The following TTC7A variants were observed in gnomAD, a reference collection of about 807,000 sequenced individuals.
TTC7A encodes tetratricopeptide repeat domain 7A.
A neutral mutation model predicts 103.7 loss-of-function variants in TTC7A; 110 were observed. That is an observed-to-expected ratio of 1.06 (90% CI 0.91 to 1.24). The LOEUF is 1.24. Among genes scored for constraint, TTC7A ranks in the 50% most tolerant of loss-of-function variants. TTC7A has a pLI of 0.00. For synonymous variants in TTC7A, 521 were observed against 467.9 expected (o/e 1.11, Z -1.47); for missense variants, 1,340 against 1,116.3 (o/e 1.20, Z -2.86).
chr2:46,933,752 G>C (rs918991173), intron 2 of TTC7A, among the ~76,000 whole-genome samples: 2 of 152,242 alleles, frequency 1.3e-5, no homozygotes, highest in African/African-American at 4.8e-5. Flanking sequence ...GATCTGAGTG[G>C]CTGAAATGAC....
chr2:47,032,107 G>A (rs1430720165), intron 15 of TTC7A, among the ~76,000 whole-genome samples: 1 of 152,234 alleles, frequency 6.6e-6, no homozygotes, highest in East Asian at 1.9e-4. Flanking sequence ...TCCCCAGGAA[G>A]TGCTCCACTC....
chr2:47,025,220 T>C (rs1679759037), intron 14 of TTC7A, among the ~76,000 whole-genome samples: 1 of 152,208 alleles, frequency 6.6e-6, no homozygotes, highest in South Asian at 2.1e-4. Context: ...CCCTGCCTGC[T>C]GGGGATGGTG....
intron 19 of TTC7A, among the ~76,000 whole-genome samples, chr2:47,072,897 C>T (rs527837282): frequency 4.6e-5 from 7 of 152,332 alleles, no homozygotes; most frequent in African/African-American, 1.7e-4. Flanking sequence ...GGACAAGGTG[C>T]CAGTTTCACT....
chr2:47,051,774 C>T lies in TTC7A; in HGVS notation c.2046C>T (p.Ala682=), dbSNP rs1682878018. 1.9e-6 allele frequency: 3 copies of T among 1,611,194 alleles called. No individual in the cohort carries two copies. The highest frequency in any genetic ancestry group is 1.7e-5 in the Admixed American group (1 of 60,016). The stretch of plus-strand genomic sequence containing the variant: ...CCCGGCGGGCTTCGTCCATCGCCGC[C>T]TCCCGGCTGGAGGAGGCCATGTCAG... ...SGSRRASSIA[A]SRLEEAMSEL... The change falls in exon 18 of 20, where the codon GCC becomes GCT. Residue 682 remains alanine (A), a synonymous_variant. Coordinates refer to ENST00000319190, the MANE Select transcript of TTC7A (RefSeq NM_020458.4).
rs762504554 is a variant in TTC7A at position 46,995,150 on chromosome 2, A to AG, written c.1018dup (p.Asp340GlyfsTer45). 1 of 1,614,052 alleles carries AG rather than the reference A, an allele frequency of 6.2e-7. No homozygotes were observed. The highest frequency in any genetic ancestry group is 8.5e-7 in the Non-Finnish European group (1 of 1,180,032). On this transcript the variant is annotated frameshift_variant, in exon 8 of 20. Coordinates refer to ENST00000319190, the MANE Select transcript of TTC7A (RefSeq NM_020458.4). LOFTEE classifies it high-confidence loss of function. ...GTGTCTTTCAGCCTCTACTGCCCCAAGGACAACATCGAGGAAGCCCTCCTG... is the reference window on the plus strand; with the variant it reads ...GTGTCTTTCAGCCTCTACTGCCCCAAGGGACAACATCGAGGAAGCCCTCCTG...
In TTC7A at chr2:46,957,010, A is replaced by G. The variant is rs201376278; in HGVS notation, c.517+3A>G. 1,308 of 1,613,974 alleles carry G rather than the reference A, an allele frequency of 8.1e-4. 2 individuals carry two copies. Among genetic ancestry groups the G allele is most frequent in the South Asian group, 1.4e-3 (124 of 91,066 alleles). ...GTCGGAGGCTTTTGTCATCAAAGGT[A>G]GCTGTGGGCACCAGCCTGGGCTCCC... On this transcript the variant is annotated splice_donor_region_variant and intron_variant, in intron 3 of 19. Coordinates refer to ENST00000319190, the MANE Select transcript of TTC7A (RefSeq NM_020458.4).
intron 2 of TTC7A, among the ~76,000 whole-genome samples, chr2:46,931,362 A>C (rs1208807904): frequency 2.0e-5 from 3 of 152,276 alleles, no homozygotes; most frequent in African/African-American, 7.2e-5. Flanking sequence ...CTGGGCTTAC[A>C]GCCATAAGCC....
intron 2 of TTC7A, among the ~76,000 whole-genome samples, chr2:46,921,045 A>G (rs1669077957): frequency 6.6e-6 from 1 of 152,170 alleles, no homozygotes; most frequent in Non-Finnish European, 1.5e-5. Context: ...CATCTGTTAA[A>G]AACCCACAGT....
chr2:47,028,156 A>T (rs1680118367), intron 14 of TTC7A, among the ~76,000 whole-genome samples: 1 of 152,098 alleles, frequency 6.6e-6, no homozygotes. Context: ...TCTTCAGGAA[A>T]GGGCTCCTTG....
intron 15 of TTC7A, among the ~76,000 whole-genome samples, chr2:47,041,947 G>A (rs910559512): frequency 4.6e-5 from 7 of 152,004 alleles, no homozygotes; most frequent in Admixed American, 1.3e-4. Context: ...AATTATATAC[G>A]TATGCACAGA....
rs748315468 is a variant in TTC7A, at chr2:47,053,530, T to TTTTG, written c.2152+1663_2152+1666dup. The stretch of plus-strand genomic sequence containing the variant: ...TGGTGGGCGGGTTTTTGGTGGGTTT[T>TTTTG]TTTGTTTGTTTGTTTGGTTGGTTGG... On this transcript the variant is annotated intron_variant, in intron 18 of 19. Coordinates refer to ENST00000319190, the MANE Select transcript of TTC7A (RefSeq NM_020458.4). 4.8e-3 allele frequency among the ~76,000 whole-genome samples: 667 copies of TTTTG among 138,822 alleles called. 6 individuals are homozygous for TTTTG. Among genetic ancestry groups the TTTTG allele is most frequent in the Middle Eastern group, 0.014 (4 of 280 alleles). The allele number at this position is 138,822 out of a possible 152,430, so 91.1% of individuals were successfully genotyped here.
intron 19 of TTC7A, 26 bp from the exon 20 acceptor site, chr2:47,073,676 C>T (rs905258108): frequency 2.4e-5 from 39 of 1,609,912 alleles, no homozygotes; most frequent in African/African-American, 8.0e-5. Context: ...CACCCCTACT[C>T]ACCCTGCCCT....
intron 8 of TTC7A, chr2:46,999,507 A>G (rs1187079934): frequency 1.0e-6 from 1 of 985,436 alleles, no homozygotes; most frequent in Non-Finnish European, 1.2e-6. Context: ...ATGCGGGACC[A>G]TGCTCAGCAA....
chr2:47,004,608 A>G (rs1165368562), intron 8 of TTC7A, among the ~76,000 whole-genome samples: 3 of 152,058 alleles, frequency 2.0e-5, no homozygotes, highest in Non-Finnish European at 2.9e-5. Flanking sequence ...TATTGTACAG[A>G]AGGAGGCTCA....
intron 4 of TTC7A, among the ~76,000 whole-genome samples, chr2:46,978,571 A>AAAAAAAAAAAAT (rs1674108618): frequency 1.3e-5 from 2 of 152,018 alleles, no homozygotes; most frequent in Non-Finnish European, 2.9e-5. Context: ...TTAAAAAAAA[A>AAAAAAAAAAAAT]AAAAGACAGA....
intron 1 of TTC7A, among the ~76,000 whole-genome samples, chr2:46,942,928 C>G (rs1007148755): frequency 6.6e-6 from 1 of 151,990 alleles, no homozygotes; most frequent in Non-Finnish European, 1.5e-5. Flanking sequence ...GTTTTTGAGA[C>G]AGGGTCTCTC....
At position 47,029,434 on chromosome 2, in the gene TTC7A, C is replaced by T. The variant is rs901458066; in HGVS notation, c.1802+50C>T. 3 of 1,603,162 alleles carry T rather than the reference C, an allele frequency of 1.9e-6. No homozygotes were observed. In the East Asian group the frequency reaches 6.7e-5, roughly 36 times the overall value. ...CAGTGGGGGAGCTGGCTGGCCTCTGCAGCAGGCGCCCATGCACACCTGCCC... is the reference window on the plus strand; with the variant it reads ...CAGTGGGGGAGCTGGCTGGCCTCTGTAGCAGGCGCCCATGCACACCTGCCC... On this transcript the variant is annotated intron_variant, in intron 15 of 19. Coordinates refer to ENST00000319190, the MANE Select transcript of TTC7A (RefSeq NM_020458.4).
Position 47,052,985 on chromosome 2 carries a change from C to CT in TTC7A, c.2152+1106dup, listed in dbSNP as rs574462230. ...CCGAATATGCTTGTTAGCTGAGAAT[C>CT]TAAGGTTTCCCACTGCATGTTCCTC... On this transcript the variant is annotated intron_variant, in intron 18 of 19. Coordinates refer to ENST00000319190, the MANE Select transcript of TTC7A (RefSeq NM_020458.4). 2.0e-5 allele frequency among the ~76,000 whole-genome samples: 3 copies of CT among 152,304 alleles called. No homozygotes were observed. The South Asian group carries it at 6.2e-4, about 32-fold the overall frequency.
intron 8 of TTC7A, among the ~76,000 whole-genome samples, chr2:46,998,203 C>T (rs1042318487): frequency 2.0e-5 from 3 of 152,144 alleles, no homozygotes; most frequent in Non-Finnish European, 2.9e-5. Flanking sequence ...TTTCCCCTTA[C>T]GCACACCCAG....
Sources: gnomAD v4.1 joint callset for allele counts (sites outside exome capture counted in the v4.1 genomes callset) on GRCh38, gnomAD v4.1.1 for gene constraint, MANE v1.5 for transcripts, NCBI Gene and HGNC (gene_info 2026-07-23, HGNC 2026-07-21) for gene names.